Variants in NMT2 observed in about 807,000 individuals in gnomAD.
NMT2 encodes N-myristoyltransferase 2.
A neutral mutation model predicts 65.4 loss-of-function variants in NMT2; 35 were observed. The ratio of observed to expected loss-of-function variants is 0.54; its 90% CI spans 0.41 to 0.71. NMT2 has a LOEUF of 0.71. Among genes scored for constraint, NMT2 ranks in the 30% least tolerant of loss-of-function variants. The probability of loss-of-function intolerance (pLI) is 0.00; values close to 1 mark genes in which losing one functional copy is unlikely to be tolerated. For missense variants in NMT2, 489 were observed against 611.3 expected (o/e 0.80, Z 2.11); for synonymous variants, 226 against 231.8 (o/e 0.98, Z 0.23).
intron 2 of NMT2, among the ~76,000 whole-genome samples, chr10:15,136,795 T>C (rs1846525553): frequency 6.6e-6 from 1 of 151,640 alleles, no homozygotes; most frequent in Non-Finnish European, 1.5e-5. Context: ...TCAAAGCCAA[T>C]ATTCCCGCCA....
intron 6 of NMT2, among the ~76,000 whole-genome samples, chr10:15,130,865 C>A (rs1022955987): frequency 1.4e-5 from 2 of 145,544 alleles, no homozygotes; most frequent in African/African-American, 2.6e-5. Flanking sequence ...TCTTGGCTCA[C>A]TGTAACCTCT....
intron 10 of NMT2, chr10:15,111,883 G>A (rs1038995401): frequency 4.0e-5 from 6 of 150,862 alleles, no homozygotes; most frequent in African/African-American, 1.5e-4. Flanking sequence ...GTGCAATCTC[G>A]GCTCACTGCA....
intron 8 of NMT2, among the ~76,000 whole-genome samples, chr10:15,123,410 T>G (rs968372712): frequency 1.3e-5 from 2 of 151,656 alleles, no homozygotes; most frequent in Non-Finnish European, 2.9e-5. Flanking sequence ...GTGGCTGTAG[T>G]CCCAGCTACT....
chr10:15,146,316 T>C (rs1489924969), intron 1 of NMT2, among the ~76,000 whole-genome samples: 3 of 152,224 alleles, frequency 2.0e-5, no homozygotes, highest in East Asian at 1.9e-4. Flanking sequence ...GAAGTATTCA[T>C]GGAAACTACA....
intron 2 of NMT2, chr10:15,140,923 T>G (rs1390350941): frequency 1.4e-6 from 2 of 1,389,430 alleles, no homozygotes; most frequent in Admixed American, 4.0e-5. Context: ...TTTCCCACCC[T>G]TGGCATTAGA....
intron 1 of NMT2, among the ~76,000 whole-genome samples, chr10:15,149,229 A>G (rs1054349954): frequency 4.0e-5 from 6 of 148,158 alleles, no homozygotes; most frequent in Non-Finnish European, 4.5e-5. Flanking sequence ...TATCATTACT[A>G]CCATCATTGC....
At chr10:15,145,626 C>T (rs540874449) in intron 1 of NMT2, among the ~76,000 whole-genome samples, 4 of 152,276 alleles carry the variant, frequency 2.6e-5, no homozygotes, top group African/African-American at 7.2e-5. Flanking sequence ...GTGATCCACC[C>T]GCCTCAGCCT....
chr10:15,118,661 G>A (rs1044186079), intron 9 of NMT2, among the ~76,000 whole-genome samples: 1 of 151,048 alleles, frequency 6.6e-6, no homozygotes, highest in African/African-American at 2.4e-5. Context: ...ACAGATTGAT[G>A]AGATACTCAA....
Position 15,109,723 on chromosome 10 carries a change from A to C in NMT2, c.1455T>G (p.Cys485Trp). Residue 485 changes from cysteine (C) to tryptophan (W), a missense_variant, in exon 11 of 12, where the codon TGT becomes TGG. Coordinates refer to ENST00000378165, the MANE Select transcript of NMT2 (RefSeq NM_004808.3). ...TTACCTTTTCAGAATCTGTACCTGGACACCTCCAATTGTACAGGTAATACT... is the reference window on the plus strand; with the variant it reads ...TTACCTTTTCAGAATCTGTACCTGGCCACCTCCAATTGTACAGGTAATACT... ...NLQYYLYNWR[C>W]PGTDSEKVGL... 6.2e-7 allele frequency: 1 copy of C among 1,611,704 alleles called. No homozygotes were observed. The highest frequency in any genetic ancestry group is 8.5e-7 in the Non-Finnish European group (1 of 1,179,314).
chr10:15,160,743 C>A (rs1379982467), intron 1 of NMT2, among the ~76,000 whole-genome samples: 3 of 152,028 alleles, frequency 2.0e-5, no homozygotes, highest in Non-Finnish European at 4.4e-5. Flanking sequence ...CACTGCACTC[C>A]AGCCTGGGCA....
intron 1 of NMT2, among the ~76,000 whole-genome samples, chr10:15,161,461 C>A (rs1224506345): frequency 6.6e-6 from 1 of 152,062 alleles, no homozygotes; most frequent in Non-Finnish European, 1.5e-5. Context: ...AAGTGATTCT[C>A]CTGCCTGCCT....
At chr10:15,120,447 G>A (rs986561195) in intron 8 of NMT2, among the ~76,000 whole-genome samples, 1 of 152,106 alleles carries the variant, frequency 6.6e-6, no homozygotes, top group African/African-American at 2.4e-5. Flanking sequence ...GACAGGGAGG[G>A]ACTTCGTCTC....
At chr10:15,125,321 T>C (rs1190621237) in intron 8 of NMT2, among the ~76,000 whole-genome samples, 1 of 152,232 alleles carries the variant, frequency 6.6e-6, no homozygotes, top group Non-Finnish European at 1.5e-5. Flanking sequence ...GGAAGTAAGA[T>C]GCCACAGTCT....
chr10:15,163,981 C>T (rs1258250953), intron 1 of NMT2, among the ~76,000 whole-genome samples: 2 of 151,956 alleles, frequency 1.3e-5, no homozygotes, highest in African/African-American at 4.8e-5. Flanking sequence ...AGATGGAGAC[C>T]ATCCTGGCTA....
rs1845864653 is a variant in NMT2, at chr10:15,119,807, C to T, written c.1000-294G>A. ...GCGGCAAGTCTTTGGTCACTACTGC[C>T]CATGACCCAAACAAACATCAAAGGG... On this transcript the variant is annotated intron_variant, in intron 8 of 11. Coordinates refer to ENST00000378165, the MANE Select transcript of NMT2 (RefSeq NM_004808.3). 3.9e-5 allele frequency among the ~76,000 whole-genome samples: 6 copies of T among 152,142 alleles called. No individual in the cohort carries two copies. The South Asian group carries it at 1.2e-3, about 32-fold the overall frequency.
chr10:15,107,741 C>T lies in NMT2; in HGVS notation c.*1454G>A. The T allele has an allele frequency of 1.0e-6, 1 of 984,262 alleles. No homozygotes were observed. The highest frequency in any genetic ancestry group is 1.2e-6 in the Non-Finnish European group (1 of 828,918). 61.0% of individuals were successfully genotyped at this position (984,262 alleles called of 1,614,324 possible). ...AAGTGCTGGGATTACAGGCGTGAGC[C>T]ACCACACCCAGCCAAGGCATCTACT... On this transcript the variant is annotated 3_prime_UTR_variant, in exon 12 of 12. Coordinates refer to ENST00000378165, the MANE Select transcript of NMT2 (RefSeq NM_004808.3).
At chr10:15,120,953 T>A (rs1845908949) in intron 8 of NMT2, among the ~76,000 whole-genome samples, 1 of 152,102 alleles carries the variant, frequency 6.6e-6, no homozygotes, top group African/African-American at 2.4e-5. Context: ...AATTAAGCCA[T>A]AGGAATAAAA....
At chr10:15,134,404 C>A (rs1846398286) in intron 3 of NMT2, among the ~76,000 whole-genome samples, 1 of 152,212 alleles carries the variant, frequency 6.6e-6, no homozygotes, top group Non-Finnish European at 1.5e-5. Flanking sequence ...AGGCTTGAGG[C>A]CCTCTGGTCC....
At chr10:15,168,343 C>A in intron 1 of NMT2, 160 bp downstream of exon 1, 1 of 591,732 alleles carries the variant, frequency 1.7e-6, no homozygotes, top group South Asian at 2.0e-5. Flanking sequence ...CCGCGAGCCG[C>A]GCGCCCCGGA....
Sources: gnomAD v4.1 joint callset for allele counts (sites outside exome capture counted in the v4.1 genomes callset) on GRCh38, gnomAD v4.1.1 for gene constraint, MANE v1.5 for transcripts, NCBI Gene and HGNC (gene_info 2026-07-23, HGNC 2026-07-21) for gene names.